Variants in OXCT1 observed in about 807,000 individuals in gnomAD.
OXCT1 encodes the protein succinyl-CoA:3-ketoacid coenzyme A transferase 1, mitochondrial.
In OXCT1, 27 loss-of-function variants were observed where a neutral mutation model predicts 69.6. The ratio of observed to expected loss-of-function variants is 0.39; its 90% CI spans 0.29 to 0.54. The LOEUF (loss-of-function observed/expected upper bound fraction) is 0.54. OXCT1 is among the 20% of genes least tolerant of loss of function. OXCT1 has a pLI of 0.72. For missense variants in OXCT1, 437 were observed against 650.2 expected (o/e 0.67, Z 3.57); for synonymous variants, 202 against 217.8 (o/e 0.93, Z 0.64).
chr5:41,816,678 T>C (rs1192108721), intron 7 of OXCT1, among the ~76,000 whole-genome samples: 3 of 152,268 alleles, frequency 2.0e-5, no homozygotes, highest in African/African-American at 2.4e-5. Context: ...TTTTTTCCTA[T>C]AAATAATTAG....
At position 41,828,274 on chromosome 5, in the gene OXCT1, A is replaced by AT. The variant is rs376584355; in HGVS notation, c.732+12176dup. Among the ~76,000 whole-genome samples the AT allele has an allele frequency of 8.4e-3, 1,194 of 142,946 alleles. 11 individuals carry two copies. Among genetic ancestry groups the AT allele is most frequent in the African/African-American group, 0.023 (905 of 39,124 alleles). 93.8% of individuals were successfully genotyped at this position (142,946 alleles called of 152,430 possible). Reference sequence around the variant, plus strand: ...AGGCGCTTGCCACCATGCCTGGCTAATTTTTTTTTTTTTGCATTTTTAGTA... The same window carrying AT: ...AGGCGCTTGCCACCATGCCTGGCTAATTTTTTTTTTTTTTGCATTTTTAGTA... On this transcript the variant is annotated intron_variant, in intron 7 of 16. Transcript: ENST00000196371.
chr5:41,869,243 A>T (rs943316837), intron 1 of OXCT1, among the ~76,000 whole-genome samples: 1 of 152,222 alleles, frequency 6.6e-6, no homozygotes, highest in African/African-American at 2.4e-5. Flanking sequence ...GATTGGATGC[A>T]GGAAAGAGCA....
intron 4 of OXCT1, among the ~76,000 whole-genome samples, chr5:41,852,310 G>A (rs1561129844): frequency 6.6e-6 from 1 of 152,176 alleles, no homozygotes; most frequent in African/African-American, 2.4e-5. Flanking sequence ...AGGTGTGACT[G>A]CAACACGAGC....
rs374138373 is a variant in OXCT1, at chr5:41,862,600, A to G, written c.187+42T>C. Reference sequence around the variant, plus strand: ...TGATTTGCCTGCTTCATTTAAAAACATAAGGACATTACCATAACATGAAAA... The same window carrying G: ...TGATTTGCCTGCTTCATTTAAAAACGTAAGGACATTACCATAACATGAAAA... On this transcript the variant is annotated intron_variant, in intron 2 of 16. Coordinates refer to ENST00000196371, the MANE Select transcript of OXCT1 (RefSeq NM_000436.4). 7.6e-6 allele frequency: 8 copies of G among 1,045,928 alleles called. No individual in the cohort carries two copies. The African/African-American group carries it at 1.1e-4, about 14-fold the overall frequency. The allele number at this position is 1,045,928 out of a possible 1,614,324, so 64.8% of individuals were successfully genotyped here.
At chr5:41,843,699 C>T (rs1748758498) in intron 5 of OXCT1, 2 of 390,156 alleles carry the variant, frequency 5.1e-6, no homozygotes, top group South Asian at 3.7e-5. Context: ...CCCTACCGCA[C>T]CCCCTAGTGG....
rs1750236192 is a variant in OXCT1, at chr5:41,870,349, G to A, written c.10C>T (p.Leu4Phe). MAALKLLSSGLRLC... is the reference protein window; with the variant it reads MAAFKLLSSGLRLC... ...CGAAGCCCGGAGGAGAGGAGTTTGA[G>A]AGCCGCCATCTTCGGGCGGTGAGGC... The change falls in exon 1 of 17, where the codon CTC becomes TTC. Residue 4 changes from leucine to phenylalanine, a missense_variant. Around this residue, in one of 4 missense-constraint regions of OXCT1, gnomAD observed 79 missense variants for 61.5 expected, o/e 1.28. Transcript: ENST00000196371. The surrounding 1 kb of genome is among the most constrained non-coding windows in gnomAD (Gnocchi z 4.2). 2 of 1,613,534 alleles carry A rather than the reference G, an allele frequency of 1.2e-6. No homozygotes were observed. The highest frequency in any genetic ancestry group is 1.7e-6 in the Non-Finnish European group (2 of 1,179,844).
chr5:41,794,478 G>A, intron 12 of OXCT1, 199 bp downstream of exon 12: 1 of 618,982 alleles, frequency 1.6e-6, no homozygotes, highest in Non-Finnish European at 2.8e-6. Context: ...CATTTTGGGG[G>A]TTCTTTTCCT....
intron 7 of OXCT1, among the ~76,000 whole-genome samples, chr5:41,827,554 A>T (rs13354429): frequency 0.012 from 1,756 of 152,316 alleles, 34 homozygotes; most frequent in African/African-American, 0.04. Flanking sequence ...ATGGTGCTCA[A>T]GTGTGAAGTT....
chr5:41,837,425 T>C (rs534778315), intron 7 of OXCT1, among the ~76,000 whole-genome samples: 28 of 151,998 alleles, frequency 1.8e-4, no homozygotes, highest in Non-Finnish European at 3.8e-4. Context: ...TAGAGAAATA[T>C]GTAAAAAGCT....
intron 3 of OXCT1, among the ~76,000 whole-genome samples, chr5:41,857,638 G>A (rs1749494356): frequency 6.6e-6 from 1 of 152,128 alleles, no homozygotes; most frequent in South Asian, 2.1e-4. Context: ...CCTCCATAAA[G>A]CTTTCTTCCA....
intron 13 of OXCT1, among the ~76,000 whole-genome samples, chr5:41,792,099 G>C (rs143243197): frequency 9.2e-5 from 14 of 152,246 alleles, no homozygotes; most frequent in Non-Finnish European, 1.8e-4. Flanking sequence ...CACTGCGTCC[G>C]GCCCGCAACT....
Position 41,803,070 on chromosome 5 carries a change from A to C in OXCT1, c.1049T>G (p.Leu350Trp). 1 of 1,604,178 alleles carries C rather than the reference A, an allele frequency of 6.2e-7. No individual in the cohort carries two copies. Among genetic ancestry groups the C allele is most frequent in the Non-Finnish European group, 8.5e-7 (1 of 1,171,364 alleles). The change falls in exon 10 of 17, where the codon TTG becomes TGG. Residue 350 changes from leucine (L) to tryptophan (W), a missense_variant and splice_region_variant. Coordinates refer to ENST00000196371, the MANE Select transcript of OXCT1 (RefSeq NM_000436.4). ...TTAGAAAACAAATTTTCATCTTACC[A>C]AACCCAGAACTCCATTTTCACTTTG... ...HLQSENGVLGLGPYPRQHEAD... is the reference protein window; with the variant it reads ...HLQSENGVLGWGPYPRQHEAD...
intron 9 of OXCT1, among the ~76,000 whole-genome samples, chr5:41,803,454 CT>C (rs1579769858): frequency 6.6e-6 from 1 of 152,134 alleles, no homozygotes; most frequent in East Asian, 1.9e-4. Context: ...TTAATGTGCT[CT>C]GCAAATTTGG....
chr5:41,799,368 T>C (rs1010491210), intron 11 of OXCT1, among the ~76,000 whole-genome samples: 4 of 152,204 alleles, frequency 2.6e-5, no homozygotes, highest in African/African-American at 9.6e-5. Flanking sequence ...CTTATAATAT[T>C]ATTAAACTGA....
rs1429326775 is a variant in OXCT1 at position 41,870,027 on chromosome 5, G to C, written c.78+254C>G. ...CCAGGAGTCCTCCCGCCCCTTCTCA[G>C]CCTCTCCGCGCGCTTCTTTATCGCG... is the stretch of plus-strand genomic sequence containing the variant. On this transcript the variant is annotated intron_variant, in intron 1 of 16. Transcript: ENST00000196371. The surrounding 1 kb of genome is among the most constrained non-coding windows in gnomAD (Gnocchi z 4.2). 1.9e-5 allele frequency: 10 copies of C among 527,058 alleles called. No homozygotes were observed. The highest frequency in any genetic ancestry group is 3.1e-5 in the Non-Finnish European group (9 of 290,132). 32.6% of individuals were successfully genotyped at this position (527,058 alleles called of 1,614,324 possible).
At chr5:41,851,140 A>G (rs534409196) in intron 4 of OXCT1, among the ~76,000 whole-genome samples, 2 of 152,320 alleles carry the variant, frequency 1.3e-5, no homozygotes, top group African/African-American at 4.8e-5. Context: ...TTAAGAAAAA[A>G]AAGAATTGGT....
intron 15 of OXCT1, among the ~76,000 whole-genome samples, chr5:41,741,643 AT>A (rs1743176104): frequency 6.6e-6 from 1 of 152,112 alleles, no homozygotes; most frequent in Non-Finnish European, 1.5e-5. Flanking sequence ...GCTGATTAAT[AT>A]TTTTCCCCAG....
chr5:41,864,185 A>G (rs1470335038), intron 1 of OXCT1, among the ~76,000 whole-genome samples: 2 of 152,210 alleles, frequency 1.3e-5, no homozygotes, highest in Admixed American at 1.3e-4. Context: ...GCAATCATTC[A>G]TACTCAATAT....
At chr5:41,812,352 G>T (rs1236235337) in intron 7 of OXCT1, among the ~76,000 whole-genome samples, 2 of 152,038 alleles carry the variant, frequency 1.3e-5, no homozygotes, top group Non-Finnish European at 2.9e-5. Flanking sequence ...GCTTATGAAA[G>T]ATGAGGATTG....
Sources: allele counts gnomAD v4.1 joint callset (sites outside exome capture counted in the v4.1 genomes callset), GRCh38; gene constraint gnomAD v4.1.1; regional missense constraint gnomAD v4.1.1; non-coding constraint Gnocchi (gnomAD v3.1); transcripts MANE v1.5; gene names NCBI Gene and HGNC (gene_info 2026-07-23, HGNC 2026-07-21).